Variants in MBOAT1 observed in about 807,000 individuals in gnomAD.
The protein encoded by MBOAT1 is membrane-bound glycerophospholipid O-acyltransferase 1.
MBOAT1 carries 67 observed loss-of-function variants against 64.4 expected under a neutral mutation model. That is an observed-to-expected ratio of 1.04 (90% confidence interval 0.85 to 1.27). MBOAT1 has a LOEUF of 1.27. MBOAT1 is among the 50% of genes most tolerant of loss of function. The probability of loss-of-function intolerance (pLI) is 0.00; values close to 1 mark genes in which losing one functional copy is unlikely to be tolerated. For missense variants in MBOAT1, 563 were observed against 604.6 expected (o/e 0.93, Z 0.72); for synonymous variants, 229 against 218.9 (o/e 1.05, Z -0.41).
chr6:20,117,189 A>C (rs1202489344), intron 9 of MBOAT1, among the ~76,000 whole-genome samples: 2 of 152,156 alleles, frequency 1.3e-5, no homozygotes, highest in Non-Finnish European at 2.9e-5. Flanking sequence ...GACCTTGCCC[A>C]TGCTCCTACA....
At position 20,141,279 on chromosome 6, in the gene MBOAT1, T is replaced by C. The variant is rs1400258712; in HGVS notation, c.419+2941A>G. Among the ~76,000 whole-genome samples the C allele has an allele frequency of 2.0e-5, 3 of 152,206 alleles. No individual in the cohort carries two copies. In the East Asian group the frequency reaches 5.8e-4, roughly 29 times the overall value. The stretch of plus-strand genomic sequence containing the variant: ...TACAGTGGGAGCAGATGGCAGAAGA[T>C]AAAGGCTTGGCAGGTCCAGATCATC... On this transcript the variant is annotated intron_variant, in intron 4 of 12. Coordinates refer to ENST00000324607, the MANE Select transcript of MBOAT1 (RefSeq NM_001080480.3).
At chr6:20,177,489 C>G (rs915048573) in intron 1 of MBOAT1, among the ~76,000 whole-genome samples, 1 of 152,164 alleles carries the variant, frequency 6.6e-6, no homozygotes, top group African/African-American at 2.4e-5. Flanking sequence ...CCACTGTGCC[C>G]AGACAAAGCA....
intron 1 of MBOAT1, among the ~76,000 whole-genome samples, chr6:20,198,392 G>A (rs1424397798): frequency 6.6e-6 from 1 of 152,150 alleles, no homozygotes; most frequent in Non-Finnish European, 1.5e-5. Flanking sequence ...AAGGTTCATT[G>A]CAAAATAACA....
Position 20,112,866 on chromosome 6 carries a change from GCA to G in MBOAT1, c.1209+8_1209+9del, listed in dbSNP as rs760966483. 6.2e-7 allele frequency: 1 copy of G among 1,611,700 alleles called. No individual in the cohort carries two copies. The highest frequency in any genetic ancestry group is 1.7e-5 in the Admixed American group (1 of 59,838). ...TAAGGGGAAAGACCCTAGGCCTAAA[GCA>G]CACTTACCGCTCTAGCTGCTAATGT... On this transcript the variant is annotated splice_region_variant and intron_variant, in intron 11 of 12. Transcript: ENST00000324607.
chr6:20,177,792 CAAA>C (rs80095138), intron 1 of MBOAT1, among the ~76,000 whole-genome samples: 1 of 57,184 alleles, frequency 1.7e-5, no homozygotes, highest in Admixed American at 2.5e-4. Flanking sequence ...AAAAAAAAAA[CAAA>C]AAACTTGGTA....
At chr6:20,193,052 C>CTGGA (rs1762852675) in intron 1 of MBOAT1, among the ~76,000 whole-genome samples, 1 of 122,894 alleles carries the variant, frequency 8.1e-6, no homozygotes, top group Non-Finnish European at 1.6e-5. Flanking sequence ...GTCGCCCAGG[C>CTGGA]TGGAGTGCAG....
intron 12 of MBOAT1, among the ~76,000 whole-genome samples, chr6:20,107,193 C>T (rs1244642789): frequency 6.6e-6 from 1 of 152,144 alleles, no homozygotes; most frequent in African/African-American, 2.4e-5. Flanking sequence ...CTTCCTCATG[C>T]GACAAACAGG....
At chr6:20,142,778 A>G (rs1469839169) in intron 4 of MBOAT1, among the ~76,000 whole-genome samples, 1 of 152,170 alleles carries the variant, frequency 6.6e-6, no homozygotes, top group African/African-American at 2.4e-5. Context: ...AAAGTCTTTG[A>G]ATTTCTTCCT....
chr6:20,138,892 TGA>T (rs1761082088), intron 4 of MBOAT1, among the ~76,000 whole-genome samples: 2 of 152,206 alleles, frequency 1.3e-5, no homozygotes, highest in South Asian at 2.1e-4. Context: ...CTGCAGGCGC[TGA>T]GAGAGAATCT....
At chr6:20,118,248 C>CT (rs1335893771) in intron 9 of MBOAT1, among the ~76,000 whole-genome samples, 189 bp downstream of exon 9, 3 of 139,060 alleles carry the variant, frequency 2.2e-5, no homozygotes, top group African/African-American at 5.0e-5. Context: ...AAGTAGATAT[C>CT]TTAAAAAAAA....
intron 1 of MBOAT1, among the ~76,000 whole-genome samples, chr6:20,200,003 A>C (rs950654432): frequency 2.6e-5 from 4 of 152,218 alleles, no homozygotes; most frequent in African/African-American, 4.8e-5. Flanking sequence ...TGTGCAGATA[A>C]GTTAACATTT....
In MBOAT1 at chr6:20,144,266, G is replaced by A. The variant is rs1376985636; in HGVS notation, c.373C>T (p.Arg125Ter). 1.1e-5 allele frequency: 18 copies of A among 1,613,002 alleles called. No homozygotes were observed. Among genetic ancestry groups the A allele is most frequent in the East Asian group, 1.1e-4 (5 of 44,858 alleles). Residue 125 changes from arginine (R) to a stop codon, truncating the protein, a stop_gained, in exon 4 of 13, where the codon CGA becomes TGA. Transcript: ENST00000324607. LOFTEE classifies it high-confidence loss of function. ...MGYLTICHIS[R>*]IYIFHYGILT... is the part of the protein sequence containing the mutation. ...ATTCCATAGTGGAAGATGTATATTCGGCTGATGTGGCATATTGTAAGATAT... is the reference window on the plus strand; with the variant it reads ...ATTCCATAGTGGAAGATGTATATTCAGCTGATGTGGCATATTGTAAGATAT...
chr6:20,102,495 G>T, intron 12 of MBOAT1, 83 bp from the exon 13 acceptor site: 1 of 1,189,368 alleles, frequency 8.4e-7, no homozygotes, highest in Non-Finnish European at 1.2e-6. Flanking sequence ...CCTACAGTAT[G>T]ACAAGTGAGA....
chr6:20,109,464 T>A, intron 12 of MBOAT1, 134 bp downstream of exon 12: 1 of 1,103,690 alleles, frequency 9.1e-7, no homozygotes, highest in Non-Finnish European at 1.3e-6. Flanking sequence ...TTAAAGCTTC[T>A]ATGGACACTT....
Position 20,151,266 on chromosome 6 carries a change from T to C in MBOAT1, c.246-4A>G. The C allele has an allele frequency of 6.2e-7, 1 of 1,602,882 alleles. No homozygotes were observed. Among genetic ancestry groups the C allele is most frequent in the East Asian group, 2.2e-5 (1 of 44,810 alleles). On this transcript the variant is annotated splice_polypyrimidine_tract_variant and splice_region_variant and intron_variant, in intron 2 of 12. Transcript: ENST00000324607. Reference sequence around the variant, plus strand: ...CACAAAAAGATGCACAGAGTACCTTTAAGACATAATAGTAGGGGGAGGAGT... The same window carrying C: ...CACAAAAAGATGCACAGAGTACCTTCAAGACATAATAGTAGGGGGAGGAGT...
intron 1 of MBOAT1, among the ~76,000 whole-genome samples, chr6:20,193,722 T>C (rs1165466795): frequency 6.7e-6 from 1 of 149,800 alleles, no homozygotes; most frequent in African/African-American, 2.5e-5. Context: ...TTCTCCTCCC[T>C]CAGCCTCCCA....
At position 20,191,463 on chromosome 6, in the gene MBOAT1, G is replaced by A. The variant is rs551523043; in HGVS notation, c.99+20673C>T. The stretch of plus-strand genomic sequence containing the variant: ...CAACAATGTCTCCTCATAAGAAATA[G>A]GTTCAAGGCCACACTTTCATGCTCA... On this transcript the variant is annotated intron_variant, in intron 1 of 12. Transcript: ENST00000324607. 9.8e-3 allele frequency among the ~76,000 whole-genome samples: 1,491 copies of A among 152,326 alleles called. 19 individuals are homozygous for A. Among genetic ancestry groups the A allele is most frequent in the African/African-American group, 0.033 (1,357 of 41,564 alleles).
In MBOAT1 at chr6:20,102,123, A is replaced by C; in HGVS notation, c.*163T>G. On this transcript the variant is annotated 3_prime_UTR_variant, in exon 13 of 13. Coordinates refer to ENST00000324607, the MANE Select transcript of MBOAT1 (RefSeq NM_001080480.3). ...GAGCGAGACTCCGTCTCAAAAAAAA[A>C]AAAAAAAAAAAAAAAAAAAAAATAC... is the stretch of plus-strand genomic sequence containing the variant. 1 of 301,736 alleles carries C rather than the reference A, an allele frequency of 3.3e-6. No homozygotes were observed. Among genetic ancestry groups the C allele is most frequent in the Admixed American group, 5.6e-5 (1 of 17,878 alleles). 18.7% of individuals were successfully genotyped at this position (301,736 alleles called of 1,614,324 possible).
intron 9 of MBOAT1, among the ~76,000 whole-genome samples, chr6:20,118,052 T>C (rs969809070): frequency 1.3e-5 from 2 of 152,270 alleles, no homozygotes; most frequent in Non-Finnish European, 2.9e-5. Context: ...GTTTGCAATA[T>C]TGAAATCAAA....
Sources: allele counts gnomAD v4.1 joint callset (sites outside exome capture counted in the v4.1 genomes callset), GRCh38; gene constraint gnomAD v4.1.1; transcripts MANE v1.5; gene names NCBI Gene and HGNC (gene_info 2026-07-23, HGNC 2026-07-21).